NBEA: variants seen among roughly 807,000 people sequenced by gnomAD.
NBEA encodes neurobeachin, also known as lysosomal-trafficking regulator 2.
NBEA carries 44 observed loss-of-function variants against 343.4 expected under a neutral mutation model. The observed-to-expected ratio is 0.13, with a 90% confidence interval of 0.10 to 0.16. NBEA has a LOEUF of 0.16. NBEA is among the 10% of genes least tolerant of loss of function. The pLI, the probability that NBEA is intolerant of heterozygous loss-of-function variation, is 1.00. For synonymous variants in NBEA, 1,175 were observed against 1,238.7 expected, an observed-to-expected ratio of 0.95 and a Z score of 1.08; for missense variants, 2,555 against 3,631.3, an observed-to-expected ratio of 0.70 and a Z score of 7.62.
chr13:35,000,593 A>AC (rs1555271795), intron 1 of NBEA, among the ~76,000 whole-genome samples: 1 of 147,758 alleles, frequency 6.8e-6, no homozygotes, highest in Non-Finnish European at 1.5e-5. Flanking sequence ...TAATATATAT[A>AC]ACACACACAC....
intron 36 of NBEA, among the ~76,000 whole-genome samples, chr13:35,328,426 G>A (rs1198947268): frequency 6.6e-6 from 1 of 151,742 alleles, no homozygotes; most frequent in Non-Finnish European, 1.5e-5. Context: ...AAGGAATAAT[G>A]CCTAGTATTC....
intron 10 of NBEA, among the ~76,000 whole-genome samples, chr13:35,075,908 G>C (rs1412636901): frequency 1.3e-5 from 2 of 151,818 alleles, no homozygotes; most frequent in Admixed American, 1.3e-4. Flanking sequence ...TCCTTTATCT[G>C]ACCATGTTTC....
chr13:35,523,633 T>C (rs557638373), intron 41 of NBEA, among the ~76,000 whole-genome samples: 2 of 152,180 alleles, frequency 1.3e-5, no homozygotes, highest in African/African-American at 4.8e-5. Context: ...CTCCTGGGGG[T>C]TGTTTGACAT....
intron 10 of NBEA, among the ~76,000 whole-genome samples, chr13:35,087,583 A>G (rs2152620375): frequency 6.6e-6 from 1 of 151,940 alleles, no homozygotes; most frequent in Admixed American, 6.6e-5. Flanking sequence ...TTCCAGAGAG[A>G]TTTTTTTCAA....
chr13:35,273,460 C>A (rs1232087054), intron 34 of NBEA, among the ~76,000 whole-genome samples: 2 of 151,870 alleles, frequency 1.3e-5, no homozygotes, highest in Non-Finnish European at 2.9e-5. Context: ...ACTAGAGAAG[C>A]AAGAGCAAAC....
intron 38 of NBEA, among the ~76,000 whole-genome samples, chr13:35,386,781 T>C (rs993413746): frequency 4.6e-5 from 7 of 152,252 alleles, no homozygotes; most frequent in South Asian, 2.1e-4. Flanking sequence ...ATTGAGTTTT[T>C]TATGGTTGTT....
intron 56 of NBEA, 70 bp from the exon 57 acceptor site, chr13:35,667,304 A>G: frequency 7.6e-7 from 1 of 1,320,522 alleles, no homozygotes; most frequent in Non-Finnish European, 1.1e-6. Flanking sequence ...CAAGGTTTTC[A>G]GGTTGGTGGG....
intron 10 of NBEA, 82 bp from the exon 11 acceptor site, chr13:35,098,215 G>C: frequency 1.1e-6 from 1 of 887,506 alleles, no homozygotes; most frequent in South Asian, 1.6e-5. Context: ...GTTATCTTTT[G>C]GCATAATAAA....
At chr13:35,644,214 T>C (rs967969744) in intron 49 of NBEA, among the ~76,000 whole-genome samples, 3 of 152,182 alleles carry the variant, frequency 2.0e-5, no homozygotes, top group African/African-American at 4.8e-5. Flanking sequence ...AAACGTTCAG[T>C]GTCGAGAACT....
At chr13:35,387,624 G>C (rs1222268971) in intron 38 of NBEA, among the ~76,000 whole-genome samples, 1 of 152,100 alleles carries the variant, frequency 6.6e-6, no homozygotes, top group Non-Finnish European at 1.5e-5. Flanking sequence ...TAATGGGGTA[G>C]ACTTCAGTGA....
intron 41 of NBEA, among the ~76,000 whole-genome samples, chr13:35,545,376 A>T (rs757798765): frequency 2.6e-5 from 4 of 152,066 alleles, no homozygotes; most frequent in Non-Finnish European, 4.4e-5. Context: ...CTGTGCCTCA[A>T]ATCTCACTCT....
At chr13:35,106,138 A>G (rs1257008884) in intron 11 of NBEA, among the ~76,000 whole-genome samples, 1 of 152,006 alleles carries the variant, frequency 6.6e-6, no homozygotes, top group African/African-American at 2.4e-5. Flanking sequence ...CTGCCACCAC[A>G]TGAAAGTAAT....
At chr13:35,593,936 C>T (rs908960889) in intron 47 of NBEA, among the ~76,000 whole-genome samples, 2 of 152,024 alleles carry the variant, frequency 1.3e-5, no homozygotes, top group African/African-American at 4.8e-5. Context: ...GGATACTATG[C>T]AACAATACAC....
In NBEA at chr13:34,983,891, T is replaced by A. The variant is rs181097137; in HGVS notation, c.294+40777T>A. Among the ~76,000 whole-genome samples, 3 of 152,352 alleles carry A rather than the reference T, an allele frequency of 2.0e-5. No homozygotes were observed. The East Asian group carries it at 5.8e-4, about 29-fold the overall frequency. On this transcript the variant is annotated intron_variant, in intron 1 of 58. Transcript: ENST00000379939. ...GTTGTTTTTTTCTTGTAAATTTGTT[T>A]AAGTTCTTTGTAGATTGTGGATATA... is the stretch of plus-strand genomic sequence containing the variant.
At chr13:35,208,022 C>T (rs2073510691) in intron 31 of NBEA, among the ~76,000 whole-genome samples, 1 of 152,034 alleles carries the variant, frequency 6.6e-6, no homozygotes, top group African/African-American at 2.4e-5. Flanking sequence ...GAGTTTGAGA[C>T]CAGCCTGACC....
chr13:35,245,954 CA>C (rs757902547), intron 34 of NBEA, among the ~76,000 whole-genome samples: 8 of 152,078 alleles, frequency 5.3e-5, no homozygotes, highest in Non-Finnish European at 1.0e-4. Flanking sequence ...AACATAATTC[CA>C]AACTTCTTGG....
At chr13:35,316,010 A>G (rs1316390805) in intron 36 of NBEA, among the ~76,000 whole-genome samples, 1 of 146,426 alleles carries the variant, frequency 6.8e-6, no homozygotes, top group Non-Finnish European at 1.5e-5. Flanking sequence ...GGAGCCAATA[A>G]TCTCTGGAAG....
chr13:35,231,263 A>G (rs2074956479), intron 33 of NBEA, among the ~76,000 whole-genome samples: 1 of 152,148 alleles, frequency 6.6e-6, no homozygotes, highest in South Asian at 2.1e-4. Context: ...AATTTAGGAA[A>G]GAAGTCATCC....
Position 35,010,736 on chromosome 13 carries a change from AAAAAAATATATATATAT to A in NBEA, c.295-30195_295-30179del, listed in dbSNP as rs2061459018. Among the ~76,000 whole-genome samples, 7 of 21,618 alleles carry A rather than the reference AAAAAAATATATATATAT, an allele frequency of 3.2e-4. 1 individual carries two copies. The Admixed American group carries it at 4.4e-3, about 13-fold the overall frequency. 14.2% of individuals were successfully genotyped at this position (21,618 alleles called of 152,430 possible). On this transcript the variant is annotated intron_variant, in intron 1 of 58. Coordinates refer to ENST00000379939, the MANE Select transcript of NBEA (RefSeq NM_001385012.1). ...AAGACTGGGTCTCTACAAAAAAAAAAAAAAAATATATATATATATATATATATATATATATATATATA... is the reference window on the plus strand; with the variant it reads ...AAGACTGGGTCTCTACAAAAAAAAAAATATATATATATATATATATATATA...
Sources: gnomAD v4.1 joint callset for allele counts (sites outside exome capture counted in the v4.1 genomes callset) on GRCh38, gnomAD v4.1.1 for gene constraint, MANE v1.5 for transcripts, NCBI Gene and HGNC (gene_info 2026-07-23, HGNC 2026-07-21) for gene names.